Variants in KATNIP observed in about 807,000 individuals in gnomAD.
KATNIP encodes the protein katanin interacting protein, also known as katanin-interacting protein.
A neutral mutation model predicts 174.0 loss-of-function variants in KATNIP; 126 were observed. The ratio of observed to expected loss-of-function variants is 0.72; its 90% CI spans 0.63 to 0.84. KATNIP has a LOEUF of 0.84. Among genes scored for constraint, KATNIP ranks in the 40% least tolerant of loss-of-function variants. The pLI is 0.00. For missense variants in KATNIP, 1,958 were observed against 2,109.7 expected, an observed-to-expected ratio of 0.93 and a Z score of 1.41; for synonymous variants, 810 against 835.7, an observed-to-expected ratio of 0.97 and a Z score of 0.53.
chr16:27,747,927 G>A (rs938741179), intron 15 of KATNIP, among the ~76,000 whole-genome samples: 5 of 152,208 alleles, frequency 3.3e-5, no homozygotes, highest in African/African-American at 1.2e-4. Flanking sequence ...GTGCCAGTGG[G>A]GAAGGAGTGA....
chr16:27,690,266 T>C (rs2078668154), intron 8 of KATNIP, among the ~76,000 whole-genome samples: 1 of 151,500 alleles, frequency 6.6e-6, no homozygotes, highest in Non-Finnish European at 1.5e-5. Context: ...CAGTGAGCCA[T>C]ACTCATTCCA....
At chr16:27,759,216 G>A (rs576679746) in intron 18 of KATNIP, among the ~76,000 whole-genome samples, 2 of 152,190 alleles carry the variant, frequency 1.3e-5, no homozygotes, top group African/African-American at 4.8e-5. Flanking sequence ...CCGTCTTAGT[G>A]GGGGAGACTG....
intron 2 of KATNIP, among the ~76,000 whole-genome samples, chr16:27,583,977 A>G (rs1421130604): frequency 6.6e-6 from 1 of 152,108 alleles, no homozygotes; most frequent in East Asian, 1.9e-4. Flanking sequence ...CTTAGGTGCT[A>G]GATTTAAAAG....
chr16:27,630,670 CTTCA>C (rs56746799), intron 4 of KATNIP, among the ~76,000 whole-genome samples: 4 of 151,976 alleles, frequency 2.6e-5, no homozygotes, highest in Admixed American at 1.3e-4. Flanking sequence ...CCAGCAGTAC[CTTCA>C]TTCATTCATT....
intron 1 of KATNIP, among the ~76,000 whole-genome samples, chr16:27,568,960 C>T (rs1467740215): frequency 6.6e-6 from 1 of 152,182 alleles, no homozygotes; most frequent in Non-Finnish European, 1.5e-5. Context: ...CACCACTCCC[C>T]TCCCACCTGA....
chr16:27,575,981 AG>A (rs1314645111), intron 2 of KATNIP, among the ~76,000 whole-genome samples: 1 of 152,158 alleles, frequency 6.6e-6, no homozygotes, highest in African/African-American at 2.4e-5. Flanking sequence ...GTAGAGGAGC[AG>A]GGATGGAAGT....
At chr16:27,754,304 A>G in intron 18 of KATNIP, 53 bp downstream of exon 18, 1 of 1,504,586 alleles carries the variant, frequency 6.6e-7, no homozygotes, top group South Asian at 1.1e-5. Context: ...TTCCAGGGAC[A>G]GGGGGAGTTG....
chr16:27,609,216 G>A (rs1344608703), intron 2 of KATNIP, among the ~76,000 whole-genome samples: 1 of 151,962 alleles, frequency 6.6e-6, no homozygotes, highest in Non-Finnish European at 1.5e-5. Context: ...TCTAGTGCAA[G>A]GACACCCCAA....
intron 6 of KATNIP, among the ~76,000 whole-genome samples, chr16:27,649,108 T>TA (rs751414320): frequency 3.3e-5 from 5 of 152,106 alleles, no homozygotes; most frequent in Admixed American, 6.5e-5. Flanking sequence ...AAAAGCTGGG[T>TA]AAGAGTTTGA....
chr16:27,720,108 G>A (rs1171710687), intron 13 of KATNIP, among the ~76,000 whole-genome samples: 2 of 152,102 alleles, frequency 1.3e-5, no homozygotes, highest in Non-Finnish European at 2.9e-5. Context: ...CTGTTTGTTT[G>A]TTTGTTTGTT....
rs530398459 is a variant in KATNIP at position 27,749,724 on chromosome 16, G to T, written c.2764G>T (p.Asp922Tyr). Residue 922 changes from aspartate (D) to tyrosine (Y), a missense_variant, in exon 16 of 28, where the codon GAC becomes TAC. Around this residue, in one of 3 missense-constraint regions of KATNIP, gnomAD observed 1,557 missense variants for 1,617.8 expected, o/e 0.96. Coordinates refer to ENST00000261588, the MANE Select transcript of KATNIP (RefSeq NM_015202.5). ...GRISNTELPG[D>Y]ILDELLQQKS... ...CATCTCCAACACGGAGCTCCCGGGG[G>T]ACATCCTGGATGAGCTCCTGCAGCA... The T allele has an allele frequency of 1.2e-6, 2 of 1,613,434 alleles. No homozygotes were observed. Among genetic ancestry groups the T allele is most frequent in the South Asian group, 2.2e-5 (2 of 90,920 alleles).
chr16:27,747,632 C>T (rs986032258), intron 15 of KATNIP, among the ~76,000 whole-genome samples: 2 of 151,960 alleles, frequency 1.3e-5, no homozygotes, highest in Non-Finnish European at 2.9e-5. Flanking sequence ...ATTAGATGGC[C>T]GGAAGGTGGG....
At chr16:27,584,526 G>T (rs1173155098) in intron 2 of KATNIP, among the ~76,000 whole-genome samples, 2 of 152,166 alleles carry the variant, frequency 1.3e-5, no homozygotes, top group Admixed American at 6.5e-5. Context: ...GTGCATGGGG[G>T]CTCACGCCTG....
chr16:27,574,026 C>G, intron 2 of KATNIP, 70 bp downstream of exon 2: 3 of 1,354,778 alleles, frequency 2.2e-6, no homozygotes, highest in Non-Finnish European at 3.2e-6. Context: ...AGCAGGGTGG[C>G]GAATAAGTGT....
intron 8 of KATNIP, among the ~76,000 whole-genome samples, chr16:27,684,649 A>C (rs2078459875): frequency 6.6e-6 from 1 of 152,226 alleles, no homozygotes; most frequent in South Asian, 2.1e-4. Context: ...CAAGGCTCCA[A>C]GTCTAAATTC....
intron 8 of KATNIP, among the ~76,000 whole-genome samples, chr16:27,694,801 A>AT (rs1436190012): frequency 2.0e-5 from 3 of 151,762 alleles, no homozygotes; most frequent in African/African-American, 7.3e-5. Context: ...CAATAAATAA[A>AT]TAAATAAATA....
At position 27,750,248 on chromosome 16, in the gene KATNIP, A is replaced by G. The variant is rs1294194662; in HGVS notation, c.3288A>G (p.Leu1096=). 1.2e-6 allele frequency: 2 copies of G among 1,613,994 alleles called. No individual in the cohort carries two copies. The highest frequency in any genetic ancestry group is 2.7e-5 in the African/African-American group (2 of 74,914). The change falls in exon 16 of 28, where the codon TTA becomes TTG. Residue 1096 remains leucine (L), a synonymous_variant. Transcript: ENST00000261588. ...FRGVKDITML[L]DTQCIFEGEI... ...GCGTGAAGGACATCACAATGCTGTT[A>G]GACACCCAGTGCATCTTTGAAGGAG...
At chr16:27,694,036 G>A (rs1471107111) in intron 8 of KATNIP, among the ~76,000 whole-genome samples, 1 of 152,196 alleles carries the variant, frequency 6.6e-6, no homozygotes, top group Non-Finnish European at 1.5e-5. Context: ...ACACTGAGAT[G>A]GTTCTTGGGG....
intron 2 of KATNIP, among the ~76,000 whole-genome samples, chr16:27,592,016 C>T (rs1009494872): frequency 3.9e-5 from 6 of 152,092 alleles, no homozygotes; most frequent in African/African-American, 7.2e-5. Context: ...GAATGTCATC[C>T]GCCAACATAA....
Sources: allele counts gnomAD v4.1 joint callset (sites outside exome capture counted in the v4.1 genomes callset), GRCh38; gene constraint gnomAD v4.1.1; regional missense constraint gnomAD v4.1.1; transcripts MANE v1.5; gene names NCBI Gene and HGNC (gene_info 2026-07-23, HGNC 2026-07-21).